TEK: variants seen among roughly 807,000 people sequenced by gnomAD.
TEK encodes the protein TEK receptor tyrosine kinase.
A neutral mutation model predicts 131.8 loss-of-function variants in TEK; 43 were observed. That is an observed-to-expected ratio of 0.33 (90% CI 0.26 to 0.42). The LOEUF (loss-of-function observed/expected upper bound fraction) is 0.42. Among genes scored for constraint, TEK ranks in the 10% least tolerant of loss-of-function variants. The pLI is 1.00. For synonymous variants in TEK, 580 were observed against 491.6 expected (o/e 1.18, Z -2.38); for missense variants, 1,162 against 1,384.4 (o/e 0.84, Z 2.55).
intron 1 of TEK, among the ~76,000 whole-genome samples, chr9:27,129,315 G>T (rs991571004): frequency 6.6e-6 from 1 of 152,122 alleles, no homozygotes; most frequent in African/African-American, 2.4e-5. Flanking sequence ...AAGATGATTT[G>T]TGCTGTACAG....
intron 14 of TEK, among the ~76,000 whole-genome samples, chr9:27,206,178 C>T (rs1825393174): frequency 6.6e-6 from 1 of 152,240 alleles, no homozygotes; most frequent in Non-Finnish European, 1.5e-5. Flanking sequence ...AAAGCTCTCA[C>T]TGAGGCGCAT....
At chr9:27,165,499 C>T (rs1358548759) in intron 2 of TEK, among the ~76,000 whole-genome samples, 1 of 152,126 alleles carries the variant, frequency 6.6e-6, no homozygotes, top group Admixed American at 6.5e-5. Flanking sequence ...CATTTTAGTG[C>T]TCTGGAGAAA....
chr9:27,221,875 A>C (rs1430273779), intron 21 of TEK, among the ~76,000 whole-genome samples: 3 of 152,144 alleles, frequency 2.0e-5, no homozygotes, highest in Admixed American at 1.3e-4. Flanking sequence ...AGGGAACAAA[A>C]TTGGACGAAT....
intron 16 of TEK, chr9:27,210,490 A>C (rs189686423): frequency 1.3e-4 from 25 of 185,732 alleles, no homozygotes; most frequent in Non-Finnish European, 2.4e-4. Context: ...AAAAAGGCTA[A>C]AACTACAAAG....
intron 21 of TEK, among the ~76,000 whole-genome samples, chr9:27,223,988 C>T (rs7469836): frequency 0.071 from 10,756 of 152,168 alleles, 452 homozygotes; most frequent in East Asian, 0.1. Flanking sequence ...AACACCTCTA[C>T]GCAAATAAAC....
At chr9:27,224,593 G>A (rs1308729483) in intron 21 of TEK, among the ~76,000 whole-genome samples, 1 of 152,162 alleles carries the variant, frequency 6.6e-6, no homozygotes, top group African/African-American at 2.4e-5. Flanking sequence ...ACTAGGTATT[G>A]ATGGAACGTA....
At chr9:27,160,111 C>T (rs1823495378) in intron 2 of TEK, among the ~76,000 whole-genome samples, 1 of 149,800 alleles carries the variant, frequency 6.7e-6, no homozygotes, top group Non-Finnish European at 1.5e-5. Context: ...CAGCCTTGAC[C>T]TCCCGGGCTC....
chr9:27,194,997 T>C (rs1824955026), intron 11 of TEK, among the ~76,000 whole-genome samples: 1 of 152,112 alleles, frequency 6.6e-6, no homozygotes, highest in African/African-American at 2.4e-5. Context: ...ATTGAGTTAC[T>C]CTTCTGTACC....
Position 27,172,749 on chromosome 9 carries a change from T to C in TEK, c.760+2T>C. The C allele has an allele frequency of 8.1e-6, 13 of 1,613,374 alleles. No individual in the cohort carries two copies. The highest frequency in any genetic ancestry group is 1.1e-5 in the Non-Finnish European group (13 of 1,179,504). The stretch of plus-strand genomic sequence containing the variant: ...TTATGGGAAGGACGTGTGAGAAGGG[T>C]AAGTAAAGAGACTTGATAAGTAAGC... On this transcript the variant is annotated splice_donor_variant, in intron 5 of 22. Transcript: ENST00000380036. LOFTEE classifies it high-confidence loss of function.
chr9:27,151,331 A>T lies in TEK; in HGVS notation c.53-6500A>T, dbSNP rs1288766457. Among the ~76,000 whole-genome samples, 7 of 152,312 alleles carry T rather than the reference A, an allele frequency of 4.6e-5. No homozygotes were observed. In the East Asian group the frequency reaches 1.4e-3, roughly 29 times the overall value. On this transcript the variant is annotated intron_variant, in intron 1 of 22. Transcript: ENST00000380036. The stretch of plus-strand genomic sequence containing the variant: ...AAAATACTTTAACATAAGGGTTGAC[A>T]CAGAGGAATAGTGCTGGTAGTTCTT...
chr9:27,205,008 A>G lies in TEK; in HGVS notation c.2307A>G (p.Ile769Met). 6.2e-7 allele frequency: 1 copy of G among 1,614,050 alleles called. No individual in the cohort carries two copies. The highest frequency in any genetic ancestry group is 8.5e-7 in the Non-Finnish European group (1 of 1,179,940). Residue 769 changes from isoleucine to methionine, a missense_variant, in exon 14 of 23, where the codon ATA becomes ATG. Transcript: ENST00000380036. ...CTGTGCTGTTGGCCTTTCTGATCATATTGCAATTGAAGAGGGCAAATGTGC... is the reference window on the plus strand; with the variant it reads ...CTGTGCTGTTGGCCTTTCTGATCATGTTGCAATTGAAGAGGGCAAATGTGC... ...CLTVLLAFLI[I>M]LQLKRANVQR...
intron 6 of TEK, among the ~76,000 whole-genome samples, chr9:27,176,036 T>A (rs1824158569): frequency 6.6e-6 from 1 of 152,152 alleles, no homozygotes. Context: ...TCACCAAGAT[T>A]TTATGAATAG....
At chr9:27,186,254 A>G (rs1012236061) in intron 9 of TEK, among the ~76,000 whole-genome samples, 1 of 149,462 alleles carries the variant, frequency 6.7e-6, no homozygotes, top group Non-Finnish European at 1.5e-5. Flanking sequence ...GAGTGGAAGA[A>G]CTAAAATGGA....
At chr9:27,159,530 G>C (rs182926395) in intron 2 of TEK, among the ~76,000 whole-genome samples, 30 of 152,212 alleles carry the variant, frequency 2.0e-4, no homozygotes, top group Non-Finnish European at 3.7e-4. Context: ...CGAGTACCCA[G>C]GTCCAGCTCA....
intron 7 of TEK, among the ~76,000 whole-genome samples, chr9:27,183,188 A>T (rs1314967620): frequency 6.6e-6 from 1 of 152,196 alleles, no homozygotes; most frequent in Non-Finnish European, 1.5e-5. Context: ...CTGGTCCATG[A>T]AAGGAGCACA....
chr9:27,135,613 A>G (rs917399753), intron 1 of TEK, among the ~76,000 whole-genome samples: 1 of 152,190 alleles, frequency 6.6e-6, no homozygotes. Context: ...CCTCAGGGAA[A>G]TGCTTAGAAA....
rs541217363 is a variant in TEK at position 27,180,259 on chromosome 9, C to T, written c.921C>T (p.Tyr307=). Residue 307 remains tyrosine (Y), a synonymous_variant, in exon 7 of 23, where the codon TAC becomes TAT. Transcript: ENST00000380036. ...QCNEACHPGF[Y]GPDCKLRCSC... ...TTACAGCATGCCACCCTGGTTTTTACGGGCCAGATTGTAAGCTTAGGTGCA... is the reference window on the plus strand; with the variant it reads ...TTACAGCATGCCACCCTGGTTTTTATGGGCCAGATTGTAAGCTTAGGTGCA... 1.5e-5 allele frequency: 25 copies of T among 1,613,626 alleles called. No homozygotes were observed. The highest frequency in any genetic ancestry group is 1.3e-4 in the South Asian group (12 of 91,076).
At chr9:27,114,965 T>G (rs374833205) in intron 1 of TEK, among the ~76,000 whole-genome samples, 1 of 152,216 alleles carries the variant, frequency 6.6e-6, no homozygotes, top group African/African-American at 2.4e-5. Flanking sequence ...AGGGTTTCCT[T>G]TGAGCCATGT....
chr9:27,147,172 A>G (rs927403539), intron 1 of TEK, among the ~76,000 whole-genome samples: 4 of 152,146 alleles, frequency 2.6e-5, no homozygotes, highest in African/African-American at 9.7e-5. Flanking sequence ...CCCATTTTAA[A>G]TTACTTCCAT....
Sources: allele counts gnomAD v4.1 joint callset (sites outside exome capture counted in the v4.1 genomes callset), GRCh38; gene constraint gnomAD v4.1.1; transcripts MANE v1.5; gene names NCBI Gene and HGNC (gene_info 2026-07-23, HGNC 2026-07-21).